The following MAGED1 variants were observed in gnomAD, a reference collection of about 807,000 sequenced individuals.
MAGED1 encodes the protein melanoma-associated antigen D1.
In MAGED1, 3 loss-of-function variants were observed where a neutral mutation model predicts 54.1. The observed-to-expected ratio is 0.06, with a 90% CI of 0.03 to 0.14. The LOEUF (loss-of-function observed/expected upper bound fraction) is 0.14. Ranked by LOEUF, MAGED1 falls within the 10% of genes least tolerant of loss-of-function variation. MAGED1 has a pLI of 1.00. For synonymous variants in MAGED1, 217 were observed against 227.3 expected (o/e 0.95, Z 0.41); for missense variants, 485 against 623.4 (o/e 0.78, Z 2.36).
chrX:51,809,648 A>G (rs1925151669), intron 1 of MAGED1, among the ~76,000 whole-genome samples: 1 of 110,647 alleles, frequency 9.0e-6, no homozygotes, highest in Non-Finnish European at 1.9e-5. Context: ...TTTACTTTCT[A>G]TTGTATTTTA....
chrX:51,847,887 G>A (rs1452858473), intron 1 of MAGED1, among the ~76,000 whole-genome samples: 2 of 111,889 alleles, frequency 1.8e-5, no homozygotes, highest in Non-Finnish European at 3.8e-5. Flanking sequence ...GAGCATTCTT[G>A]TACAAATTTC....
intron 1 of MAGED1, among the ~76,000 whole-genome samples, chrX:51,883,695 T>C (rs1474272140): frequency 1.8e-5 from 2 of 111,445 alleles, no homozygotes; most frequent in Non-Finnish European, 3.8e-5. Context: ...TAAACAGCCG[T>C]CCTAAAAATG....
chrX:51,810,180 A>C (rs1405525063), intron 1 of MAGED1, among the ~76,000 whole-genome samples: 1 of 109,834 alleles, frequency 9.1e-6, no homozygotes, highest in Admixed American at 9.8e-5. Flanking sequence ...TTATCTCGTT[A>C]GTCTTTGTTG....
chrX:51,871,865 G>GGTTGAACTA (rs1280744962), intron 1 of MAGED1, among the ~76,000 whole-genome samples: 1 of 111,749 alleles, frequency 8.9e-6, no homozygotes, highest in Non-Finnish European at 1.9e-5. Flanking sequence ...CTTCTACAGT[G>GGTTGAACTA]GTTGAACTAG....
At chrX:51,826,274 ATAAGTTTGGTGTTG>A (rs1486973338) in intron 1 of MAGED1, among the ~76,000 whole-genome samples, 1 of 112,141 alleles carries the variant, frequency 8.9e-6, no homozygotes, top group African/African-American at 3.2e-5. Context: ...CAGAATTCCC[ATAAGTTTGGTGTTG>A]TATCTAAAAC....
At chrX:51,869,697 T>C (rs782640897) in intron 1 of MAGED1, among the ~76,000 whole-genome samples, 84 of 110,826 alleles carry the variant, frequency 7.6e-4, no homozygotes, top group Non-Finnish European at 1.4e-3. Flanking sequence ...GGTAAAACCC[T>C]GTCTCTACAA....
chrX:51,808,626 T>A (rs1174372368), intron 1 of MAGED1, among the ~76,000 whole-genome samples: 10 of 111,650 alleles, frequency 9.0e-5, no homozygotes, highest in Non-Finnish European at 1.3e-4. Flanking sequence ...GGAGGATCGC[T>A]TGAGCTGGGG....
rs1928855092 is a variant in MAGED1 at position 51,898,256 on chromosome X, C to T, written c.1739-29C>T. On this transcript the variant is annotated intron_variant, in intron 8 of 12. Transcript: ENST00000326587. ...CCTGATTTCCATGCTTATTTTCCGT[C>T]CCTTGTCTCCCCTTGCCTCCCATTG... is the stretch of plus-strand genomic sequence containing the variant. 3 of 1,209,042 alleles carry T rather than the reference C, an allele frequency of 2.5e-6. No individual in the cohort carries two copies. In the South Asian group the frequency reaches 5.3e-5, roughly 21 times the overall value.
chrX:51,838,456 C>G (rs1412863559), intron 1 of MAGED1, among the ~76,000 whole-genome samples: 1 of 112,147 alleles, frequency 8.9e-6, no homozygotes, highest in African/African-American at 3.2e-5. Flanking sequence ...TCTTTTCTTT[C>G]CTATTGGCAG....
At chrX:51,890,333 A>G (rs781829097), upstream of MAGED1, among the ~76,000 whole-genome samples, 2 of 112,106 alleles carry the variant, frequency 1.8e-5, no homozygotes, top group Non-Finnish European at 3.8e-5. Flanking sequence ...ATTTTTCCCT[A>G]TGCACTTTTT....
chrX:51,897,912 T>C, intron 7 of MAGED1, 26 bp downstream of exon 7: 1 of 1,119,560 alleles, frequency 8.9e-7, no homozygotes, highest in South Asian at 1.9e-5. Flanking sequence ...AGGTGGAACA[T>C]GGCCTTTCTC....
intron 3 of MAGED1, chrX:51,896,046 C>T (rs1928735922): frequency 2.6e-6 from 1 of 380,334 alleles, no homozygotes; most frequent in African/African-American, 2.5e-5. Flanking sequence ...CAGGTTGTCT[C>T]ATTAAACCTT....
chrX:51,805,861 T>C (rs1214162321), intron 1 of MAGED1, among the ~76,000 whole-genome samples: 1 of 109,801 alleles, frequency 9.1e-6, no homozygotes, highest in Non-Finnish European at 1.9e-5. Context: ...CTATTTTGGC[T>C]GAACCATTTG....
At chrX:51,805,908 A>G (rs1353675441) in intron 1 of MAGED1, among the ~76,000 whole-genome samples, 2 of 107,891 alleles carry the variant, frequency 1.9e-5, no homozygotes, top group African/African-American at 6.7e-5. Flanking sequence ...ATGTAAATAC[A>G]TGCAGAAAAG....
At chrX:51,892,223 G>T (rs1224764975), upstream of MAGED1, among the ~76,000 whole-genome samples, 1 of 112,861 alleles carries the variant, frequency 8.9e-6, no homozygotes, top group African/African-American at 3.2e-5. Flanking sequence ...AAGCATAGCA[G>T]CGTGTGTGTC....
intron 1 of MAGED1, among the ~76,000 whole-genome samples, chrX:51,829,369 A>G (rs1925978115): frequency 9.1e-6 from 1 of 110,164 alleles, no homozygotes; most frequent in Non-Finnish European, 1.9e-5. Context: ...AGTAAATGAA[A>G]GAGGTGTCAA....
chrX:51,837,828 A>G (rs1476861962), intron 1 of MAGED1, among the ~76,000 whole-genome samples: 1 of 112,495 alleles, frequency 8.9e-6, no homozygotes, highest in Non-Finnish European at 1.9e-5. Flanking sequence ...ACTAGAGCCC[A>G]GGCTGCTTCT....
In MAGED1 at chrX:51,894,720, C is replaced by T. The variant is rs782124810; in HGVS notation, c.46-333C>T. 3 of 1,162,619 alleles carry T rather than the reference C, an allele frequency of 2.6e-6. No individual in the cohort carries two copies. In the East Asian group the frequency reaches 9.1e-5, roughly 35 times the overall value. On this transcript the variant is annotated intron_variant, in intron 2 of 12. Transcript: ENST00000326587. ...TGCATTCCCCACTCTGTGCGACCCC[C>T]CTTATTCTCAACTCCGCGATCCGCC...
chrX:51,835,272 G>T (rs1361038482), intron 1 of MAGED1, among the ~76,000 whole-genome samples: 10 of 111,200 alleles, frequency 9.0e-5, no homozygotes, highest in Non-Finnish European at 1.7e-4. Flanking sequence ...CCTTAAACAT[G>T]CTTAGAACAC....
Sources: allele counts gnomAD v4.1 joint callset (sites outside exome capture counted in the v4.1 genomes callset), GRCh38; gene constraint gnomAD v4.1.1; transcripts MANE v1.5; gene names NCBI Gene and HGNC (gene_info 2026-07-23, HGNC 2026-07-21).